The following ANKRD44 variants were observed in gnomAD, a reference collection of about 807,000 sequenced individuals.
ANKRD44 encodes serine/threonine-protein phosphatase 6 regulatory ankyrin repeat subunit B.
A neutral mutation model predicts 116.0 loss-of-function variants in ANKRD44; 35 were observed. That is an observed-to-expected ratio of 0.30 (90% CI 0.23 to 0.40). The LOEUF is 0.40. Ranked by LOEUF, ANKRD44 falls within the 10% of genes least tolerant of loss-of-function variation. The pLI, the probability that ANKRD44 is intolerant of heterozygous loss-of-function variation, is 1.00. For synonymous variants in ANKRD44, 435 were observed against 461.8 expected, an observed-to-expected ratio of 0.94 and a Z score of 0.74; for missense variants, 1,014 against 1,242.6, an observed-to-expected ratio of 0.82 and a Z score of 2.77.
At chr2:196,982,108 T>TTATATATATATATATATATATATATA (rs58816698), downstream of ANKRD44, among the ~76,000 whole-genome samples, 913 of 96,168 alleles carry the variant, frequency 9.5e-3, 19 homozygotes, top group African/African-American at 0.014. Flanking sequence ...CTAAAAAAAA[T>TTATATATATATATATATATATATATA]TATATATATA....
intron 2 of ANKRD44, chr2:197,147,894 T>C: frequency 6.6e-6 from 3 of 456,108 alleles, no homozygotes; most frequent in Non-Finnish European, 1.3e-5. Context: ...CTCTGTTTTA[T>C]AGATAAGAAG....
chr2:197,031,376 T>A (rs1008705774), intron 16 of ANKRD44, among the ~76,000 whole-genome samples: 3 of 152,216 alleles, frequency 2.0e-5, no homozygotes, highest in Non-Finnish European at 2.9e-5. Flanking sequence ...TCTTGCTACA[T>A]TACCTAGGCT....
At chr2:197,075,753 G>A (rs74889030) in intron 16 of ANKRD44, among the ~76,000 whole-genome samples, 6,107 of 152,232 alleles carry the variant, frequency 0.04, 157 homozygotes, top group Middle Eastern at 0.082. Context: ...AAAACGGACT[G>A]AACACAAAGT....
rs192233941 is a variant in ANKRD44 at position 197,069,936 on chromosome 2, G to T, written c.1650+8767C>A. ...CTGATTTCTTTCATCAGCATTTTGT[G>T]GTTTCAACACACGTCTTTTGGATCT... On this transcript the variant is annotated intron_variant, in intron 16 of 27. Coordinates refer to ENST00000282272, the MANE Select transcript of ANKRD44 (RefSeq NM_001195144.2). Among the ~76,000 whole-genome samples the T allele has an allele frequency of 3.6e-3, 539 of 150,942 alleles. 2 individuals are homozygous for T. Among genetic ancestry groups the T allele is most frequent in the South Asian group, 0.019 (89 of 4,800 alleles).
At chr2:197,060,453 A>G (rs2077286623) in intron 16 of ANKRD44, among the ~76,000 whole-genome samples, 1 of 152,222 alleles carries the variant, frequency 6.6e-6, no homozygotes, top group African/African-American at 2.4e-5. Flanking sequence ...AGGCTTTGAT[A>G]TATGTGTACA....
intron 16 of ANKRD44, among the ~76,000 whole-genome samples, chr2:197,066,014 G>C (rs896539456): frequency 2.2e-4 from 33 of 152,290 alleles, no homozygotes; most frequent in Non-Finnish European, 2.8e-4. Context: ...CAATATCCCT[G>C]ACAAACATCA....
intron 3 of ANKRD44, among the ~76,000 whole-genome samples, chr2:197,137,846 A>G (rs2079257852): frequency 6.6e-6 from 1 of 152,154 alleles, no homozygotes; most frequent in Non-Finnish European, 1.5e-5. Flanking sequence ...TCCTAATTCC[A>G]CTAACACCAG....
At chr2:197,124,351 T>C (rs961963796) in intron 6 of ANKRD44, among the ~76,000 whole-genome samples, 1 of 152,102 alleles carries the variant, frequency 6.6e-6, no homozygotes, top group Non-Finnish European at 1.5e-5. Flanking sequence ...TAAAAAGGAT[T>C]CAGAAAGGCA....
chr2:197,243,016 G>T (rs1484668601), intron 1 of ANKRD44, among the ~76,000 whole-genome samples: 1 of 152,198 alleles, frequency 6.6e-6, no homozygotes, highest in Non-Finnish European at 1.5e-5. Context: ...AAATTATGTT[G>T]CCCTGCCTAA....
chr2:197,084,682 G>C (rs2077879911), intron 13 of ANKRD44, among the ~76,000 whole-genome samples: 1 of 151,962 alleles, frequency 6.6e-6, no homozygotes, highest in Non-Finnish European at 1.5e-5. Flanking sequence ...GGTCCTTCTA[G>C]GTCTAAAATT....
At chr2:197,168,847 G>A (rs550304269) in intron 2 of ANKRD44, among the ~76,000 whole-genome samples, 19 of 152,202 alleles carry the variant, frequency 1.2e-4, no homozygotes, top group African/African-American at 3.9e-4. Flanking sequence ...TGAGTACATG[G>A]CGTCATGGCC....
At chr2:197,296,098 G>A (rs912329561) in intron 1 of ANKRD44, among the ~76,000 whole-genome samples, 1 of 152,182 alleles carries the variant, frequency 6.6e-6, no homozygotes. Flanking sequence ...AAGCAGTAAT[G>A]AAGAAATGTC....
At chr2:197,248,578 G>GTGTGTATATATATATATA (rs544362365) in intron 1 of ANKRD44, among the ~76,000 whole-genome samples, 2 of 144,226 alleles carry the variant, frequency 1.4e-5, no homozygotes, top group African/African-American at 5.4e-5. Flanking sequence ...GTGTGTGTGT[G>GTGTGTATATATATATATA]TATATATATA....
intron 2 of ANKRD44, among the ~76,000 whole-genome samples, chr2:197,179,846 G>C (rs1258178093): frequency 2.0e-5 from 3 of 152,208 alleles, no homozygotes; most frequent in Non-Finnish European, 4.4e-5. Flanking sequence ...GCTCAGTGCT[G>C]CCTGGAGTTC....
intron 3 of ANKRD44, among the ~76,000 whole-genome samples, chr2:197,145,238 C>A (rs2079468544): frequency 6.6e-6 from 1 of 152,134 alleles, no homozygotes; most frequent in African/African-American, 2.4e-5. Context: ...TTGCAGTGAG[C>A]TGAGATCACG....
intron 21 of ANKRD44, among the ~76,000 whole-genome samples, chr2:197,004,526 C>T (rs2076169497): frequency 6.6e-6 from 1 of 151,940 alleles, no homozygotes; most frequent in Non-Finnish European, 1.5e-5. Context: ...TACAAATAGC[C>T]AGGGTACTAT....
At chr2:197,260,316 G>A (rs1290998848) in intron 1 of ANKRD44, among the ~76,000 whole-genome samples, 1 of 152,104 alleles carries the variant, frequency 6.6e-6, no homozygotes, top group East Asian at 1.9e-4. Flanking sequence ...TCCCACCTAT[G>A]AGTGAGAACA....
intron 26 of ANKRD44, among the ~76,000 whole-genome samples, chr2:196,994,295 C>T (rs1052914617): frequency 1.3e-5 from 2 of 151,634 alleles, no homozygotes; most frequent in African/African-American, 4.9e-5. Context: ...AAGTGATTCT[C>T]CTGCCTCAGT....
chr2:197,061,138 C>T (rs1054029241), intron 16 of ANKRD44, among the ~76,000 whole-genome samples: 21 of 152,160 alleles, frequency 1.4e-4, no homozygotes, highest in African/African-American at 4.8e-4. Flanking sequence ...ACCTAACCCC[C>T]GTTTGACAGA....
Sources: allele counts gnomAD v4.1 joint callset (sites outside exome capture counted in the v4.1 genomes callset), GRCh38; gene constraint gnomAD v4.1.1; transcripts MANE v1.5; gene names NCBI Gene and HGNC (gene_info 2026-07-23, HGNC 2026-07-21).